CLEC16A: variants seen among roughly 807,000 people sequenced by gnomAD.
CLEC16A encodes protein CLEC16A.
A neutral mutation model predicts 109.5 loss-of-function variants in CLEC16A; 51 were observed. The observed-to-expected ratio is 0.47, with a 90% CI of 0.37 to 0.59. CLEC16A has a LOEUF of 0.59. CLEC16A is among the 20% of genes least tolerant of loss of function. The probability of loss-of-function intolerance (pLI) is 0.00; values close to 1 mark genes in which losing one functional copy is unlikely to be tolerated. For synonymous variants in CLEC16A, 673 were observed against 564.2 expected, an observed-to-expected ratio of 1.19 and a Z score of -2.73; for missense variants, 1,339 against 1,394.0, an observed-to-expected ratio of 0.96 and a Z score of 0.63.
At chr16:11,022,956 C>T (rs1002034623) in intron 12 of CLEC16A, among the ~76,000 whole-genome samples, 5 of 147,862 alleles carry the variant, frequency 3.4e-5, no homozygotes, top group East Asian at 2.0e-4. Context: ...TTAAAGCTTT[C>T]GAAACATCGT....
At position 11,057,780 on chromosome 16, in the gene CLEC16A, T is replaced by TTGGAGG. The variant is rs200459545; in HGVS notation, c.1996-3120_1996-3115dup. On this transcript the variant is annotated intron_variant, in intron 18 of 23. Coordinates refer to ENST00000409790, the MANE Select transcript of CLEC16A (RefSeq NM_015226.3). ...CCCTGGGTCCCAAGCCTTAAATCTT[T>TTGGAGG]TGGAGGTCAAGGAGTGTGGTTGGAA... 5.5e-3 allele frequency among the ~76,000 whole-genome samples: 840 copies of TTGGAGG among 152,324 alleles called. 1 individual carries two copies. The highest frequency in any genetic ancestry group is 0.02 in the African/African-American group (811 of 41,558).
intron 3 of CLEC16A, among the ~76,000 whole-genome samples, chr16:10,963,885 C>T (rs888283422): frequency 2.0e-5 from 3 of 152,058 alleles, no homozygotes; most frequent in African/African-American, 2.4e-5. Context: ...TAAGGACAGG[C>T]CCCCCACAAC....
At chr16:11,023,831 G>A (rs1000365210) in intron 12 of CLEC16A, among the ~76,000 whole-genome samples, 1 of 152,148 alleles carries the variant, frequency 6.6e-6, no homozygotes, top group African/African-American at 2.4e-5. Context: ...TGTTCTCTTG[G>A]CCTCAGCCTG....
chr16:11,050,349 C>T (rs2047874403), intron 17 of CLEC16A, among the ~76,000 whole-genome samples: 1 of 152,236 alleles, frequency 6.6e-6, no homozygotes, highest in Admixed American at 6.5e-5. Context: ...CAAACCATAG[C>T]ACCAGGTATC....
chr16:10,973,887 CTTTTTTTTTTTT>C (rs569414844), intron 7 of CLEC16A, among the ~76,000 whole-genome samples: 10 of 46,586 alleles, frequency 2.1e-4, no homozygotes, highest in East Asian at 1.6e-3. Flanking sequence ...GGGCTGCTTG[CTTTTTTTTTTTT>C]TTTTTTTTTT....
At chr16:11,024,965 T>C in intron 13 of CLEC16A, 44 bp downstream of exon 13, 1 of 1,307,406 alleles carries the variant, frequency 7.6e-7, no homozygotes, top group Non-Finnish European at 1.1e-6. Context: ...GGGCCCTGCA[T>C]ACCCATAGCA....
At chr16:11,042,695 A>G (rs1183961241) in intron 15 of CLEC16A, among the ~76,000 whole-genome samples, 1 of 152,216 alleles carries the variant, frequency 6.6e-6, no homozygotes, top group East Asian at 1.9e-4. Context: ...CAACACACAT[A>G]CACACATTGA....
intron 16 of CLEC16A, among the ~76,000 whole-genome samples, chr16:11,044,963 G>C (rs1304701480): frequency 6.8e-6 from 1 of 147,448 alleles, no homozygotes; most frequent in Non-Finnish European, 1.5e-5. Context: ...CCGTGGTTTT[G>C]TTTTAGCTTT....
At chr16:11,148,423 T>C (rs2054157601) in intron 22 of CLEC16A, among the ~76,000 whole-genome samples, 1 of 152,088 alleles carries the variant, frequency 6.6e-6, no homozygotes, top group Non-Finnish European at 1.5e-5. Flanking sequence ...ACAATACAGG[T>C]ACTGTTTATT....
chr16:11,171,053 C>T (rs766364436), intron 23 of CLEC16A, among the ~76,000 whole-genome samples: 3 of 152,206 alleles, frequency 2.0e-5, no homozygotes, highest in Non-Finnish European at 4.4e-5. Context: ...TCCTTTTGCC[C>T]ATCTCCCTGG....
chr16:11,127,778 G>A (rs2052931731), intron 22 of CLEC16A, among the ~76,000 whole-genome samples: 1 of 152,144 alleles, frequency 6.6e-6, no homozygotes, highest in African/African-American at 2.4e-5. Context: ...GCTGAGGTGG[G>A]AGGGTCACTT....
At chr16:10,987,252 T>G (rs1293973226) in intron 10 of CLEC16A, among the ~76,000 whole-genome samples, 1 of 152,108 alleles carries the variant, frequency 6.6e-6, no homozygotes, top group Non-Finnish European at 1.5e-5. Flanking sequence ...TTCCTCAGTT[T>G]CCCCCAGTGG....
At chr16:10,947,398 A>G (rs527576052) in intron 1 of CLEC16A, among the ~76,000 whole-genome samples, 10 of 152,292 alleles carry the variant, frequency 6.6e-5, no homozygotes, top group South Asian at 2.1e-4. Flanking sequence ...GTACAGTGTG[A>G]TAAGTGCTGA....
intron 22 of CLEC16A, among the ~76,000 whole-genome samples, chr16:11,155,076 G>T (rs2054455385): frequency 6.6e-6 from 1 of 152,056 alleles, no homozygotes; most frequent in Admixed American, 6.6e-5. Context: ...CAGTGAGCCG[G>T]GATCATGCCA....
At chr16:11,142,167 G>A (rs140760245) in intron 22 of CLEC16A, among the ~76,000 whole-genome samples, 16 of 152,268 alleles carry the variant, frequency 1.1e-4, no homozygotes, top group African/African-American at 2.6e-4. Context: ...TAACTTGCCC[G>A]AAGTCACTCA....
chr16:11,163,744 A>G (rs758434048), intron 22 of CLEC16A, among the ~76,000 whole-genome samples: 20 of 152,320 alleles, frequency 1.3e-4, no homozygotes, highest in Non-Finnish European at 2.5e-4. Context: ...CACCTTGGCA[A>G]CGGCTATGTC....
intron 4 of CLEC16A, among the ~76,000 whole-genome samples, chr16:10,969,548 A>C (rs1337165460): frequency 6.6e-6 from 1 of 152,304 alleles, no homozygotes. Context: ...GGGTCTTACT[A>C]TGTTTCCCAG....
chr16:11,137,037 C>G (rs902094168), intron 22 of CLEC16A, among the ~76,000 whole-genome samples: 1 of 152,148 alleles, frequency 6.6e-6, no homozygotes, highest in African/African-American at 2.4e-5. Flanking sequence ...CTTTGGGAAC[C>G]CCACATATTC....
intron 10 of CLEC16A, among the ~76,000 whole-genome samples, chr16:10,984,831 G>C (rs971473226): frequency 6.6e-6 from 1 of 152,184 alleles, no homozygotes; most frequent in African/African-American, 2.4e-5. Flanking sequence ...ACCTGGTCTC[G>C]GGCAGGTTGT....
Sources: allele counts gnomAD v4.1 joint callset (sites outside exome capture counted in the v4.1 genomes callset), GRCh38; gene constraint gnomAD v4.1.1; transcripts MANE v1.5; gene names NCBI Gene and HGNC (gene_info 2026-07-23, HGNC 2026-07-21).